Variants in LHFPL6 observed in about 807,000 individuals in gnomAD.
The protein encoded by LHFPL6 is LHFPL tetraspan subfamily member 6.
In LHFPL6, 9 loss-of-function variants were observed where a neutral mutation model predicts 20.6. The observed-to-expected ratio is 0.44, with a 90% CI of 0.26 to 0.76. The LOEUF (loss-of-function observed/expected upper bound fraction) is 0.76. LHFPL6 is among the 30% of genes least tolerant of loss of function. The pLI, the probability that LHFPL6 is intolerant of heterozygous loss-of-function variation, is 0.20. For synonymous variants in LHFPL6, 105 were observed against 98.7 expected (o/e 1.06, Z -0.38); for missense variants, 218 against 253.5 (o/e 0.86, Z 0.95).
intron 3 of LHFPL6, among the ~76,000 whole-genome samples, chr13:39,346,254 A>T (rs549462169): frequency 8.5e-5 from 13 of 152,284 alleles, no homozygotes; most frequent in African/African-American, 2.6e-4. Context: ...AAGAGCCTCC[A>T]CATCTTAAAA....
chr13:39,445,728 C>T (rs541703114), intron 2 of LHFPL6, among the ~76,000 whole-genome samples: 9 of 152,266 alleles, frequency 5.9e-5, no homozygotes, highest in Admixed American at 2.6e-4. Context: ...AACAGTGGTA[C>T]ATCAGAATAA....
chr13:39,562,729 A>G (rs1871580966), intron 2 of LHFPL6, among the ~76,000 whole-genome samples: 1 of 151,356 alleles, frequency 6.6e-6, no homozygotes, highest in Non-Finnish European at 1.5e-5. Flanking sequence ...CTACGTGTAT[A>G]GAATAAAGAG....
At chr13:39,345,512 CAAAAA>C (rs71077225) in intron 3 of LHFPL6, among the ~76,000 whole-genome samples, 94 of 43,450 alleles carry the variant, frequency 2.2e-3, no homozygotes, top group East Asian at 4.9e-3. Context: ...GACTCCATCT[CAAAAA>C]AAAAAAAAAA....
At chr13:39,599,052 C>T (rs952728588) in intron 2 of LHFPL6, among the ~76,000 whole-genome samples, 21 of 152,164 alleles carry the variant, frequency 1.4e-4, no homozygotes, top group Admixed American at 1.3e-3. Flanking sequence ...CTATACATAG[C>T]TTAGGGAAGG....
intron 2 of LHFPL6, among the ~76,000 whole-genome samples, chr13:39,435,653 C>T (rs2138409325): frequency 6.6e-6 from 1 of 152,242 alleles, no homozygotes; most frequent in African/African-American, 2.4e-5. Context: ...ATACTACATA[C>T]ATAGACAGCG....
At chr13:39,466,391 C>G (rs538131341) in intron 2 of LHFPL6, among the ~76,000 whole-genome samples, 2 of 152,148 alleles carry the variant, frequency 1.3e-5, no homozygotes, top group Non-Finnish European at 2.9e-5. Context: ...TGATTATGCC[C>G]TGGGCAATGC....
chr13:39,514,517 C>T (rs977982930), intron 2 of LHFPL6, among the ~76,000 whole-genome samples: 3 of 152,134 alleles, frequency 2.0e-5, no homozygotes, highest in Admixed American at 6.5e-5. Flanking sequence ...GATCCAGTCA[C>T]GAATGAGCAC....
chr13:39,435,670 G>A (rs1429101178), intron 2 of LHFPL6, among the ~76,000 whole-genome samples: 4 of 152,058 alleles, frequency 2.6e-5, no homozygotes, highest in African/African-American at 7.2e-5. Context: ...AGCGAAATAC[G>A]AAGAACTCAT....
intron 2 of LHFPL6, among the ~76,000 whole-genome samples, chr13:39,486,513 G>A (rs1593331825): frequency 1.3e-5 from 2 of 152,328 alleles, no homozygotes; most frequent in East Asian, 3.9e-4. Flanking sequence ...GAGGCAAATA[G>A]TGGTTACTTA....
At chr13:39,378,129 T>C (rs1870341419) in intron 3 of LHFPL6, among the ~76,000 whole-genome samples, 2 of 152,154 alleles carry the variant, frequency 1.3e-5, no homozygotes, top group South Asian at 4.1e-4. Context: ...TTTTAGCCCA[T>C]GCAATGGGTA....
chr13:39,402,400 CA>C (rs1486294353), intron 2 of LHFPL6, among the ~76,000 whole-genome samples: 1 of 151,882 alleles, frequency 6.6e-6, no homozygotes, highest in Non-Finnish European at 1.5e-5. Flanking sequence ...AGTATTTTTG[CA>C]ATTTTTTTGT....
intron 2 of LHFPL6, among the ~76,000 whole-genome samples, chr13:39,385,575 G>A (rs920994788): frequency 2.0e-4 from 31 of 152,238 alleles, no homozygotes; most frequent in African/African-American, 7.5e-4. Context: ...TTCACAAAAT[G>A]CTAGAAATAT....
At chr13:39,578,768 T>C (rs1232857450) in intron 2 of LHFPL6, among the ~76,000 whole-genome samples, 1 of 152,150 alleles carries the variant, frequency 6.6e-6, no homozygotes, top group African/African-American at 2.4e-5. Flanking sequence ...TGGTAGATGG[T>C]GCTCTCCCAA....
intron 2 of LHFPL6, among the ~76,000 whole-genome samples, chr13:39,579,954 AG>A (rs1393813368): frequency 6.6e-6 from 1 of 152,236 alleles, no homozygotes; most frequent in Non-Finnish European, 1.5e-5. Context: ...TACCTATCAC[AG>A]TTTCAAGCAC....
At chr13:39,493,520 A>G (rs1481265199) in intron 2 of LHFPL6, among the ~76,000 whole-genome samples, 1 of 152,192 alleles carries the variant, frequency 6.6e-6, no homozygotes, top group Non-Finnish European at 1.5e-5. Flanking sequence ...CTTATAAAAC[A>G]AAAACACACA....
chr13:39,385,204 C>G (rs1484301722), intron 2 of LHFPL6, among the ~76,000 whole-genome samples: 1 of 152,140 alleles, frequency 6.6e-6, no homozygotes, highest in African/African-American at 2.4e-5. Context: ...AGAGATGCTG[C>G]CTCCTAAAAA....
chr13:39,459,296 C>T (rs1817144335), intron 2 of LHFPL6, among the ~76,000 whole-genome samples: 1 of 151,442 alleles, frequency 6.6e-6, no homozygotes. Flanking sequence ...CCACTTATTT[C>T]ACTCCCTTTT....
At position 39,601,401 on chromosome 13, in the gene LHFPL6, A is replaced by G. The variant is rs755419917; in HGVS notation, c.-174-11T>C. The G allele has an allele frequency of 2.0e-6, 1 of 508,180 alleles. No homozygotes were observed. Among genetic ancestry groups the G allele is most frequent in the South Asian group, 4.9e-5 (1 of 20,354 alleles). 31.5% of individuals were successfully genotyped at this position (508,180 alleles called of 1,614,324 possible). On this transcript the variant is annotated splice_polypyrimidine_tract_variant and intron_variant, in intron 1 of 3. Coordinates refer to ENST00000379589, the MANE Select transcript of LHFPL6 (RefSeq NM_005780.3). The stretch of plus-strand genomic sequence containing the variant: ...TAAAGATGATGGTCCCTGGTAAAAC[A>G]ACAGGAAACATTAAAAATTAAAGGC...
intron 2 of LHFPL6, among the ~76,000 whole-genome samples, chr13:39,535,955 A>G (rs911418163): frequency 2.6e-5 from 4 of 152,218 alleles, no homozygotes; most frequent in Admixed American, 1.3e-4. Context: ...TCAACCACTC[A>G]TGAAGCCTAT....
Sources: allele counts gnomAD v4.1 joint callset (sites outside exome capture counted in the v4.1 genomes callset), GRCh38; gene constraint gnomAD v4.1.1; transcripts MANE v1.5; gene names NCBI Gene and HGNC (gene_info 2026-07-23, HGNC 2026-07-21).